The following CSMD1 variants were observed in gnomAD, a reference collection of about 807,000 sequenced individuals.
CSMD1 encodes CUB and sushi domain-containing protein 1.
Under a neutral mutation model 417.5 loss-of-function variants are expected in CSMD1, and 213 were observed. The ratio of observed to expected loss-of-function variants is 0.51; its 90% CI spans 0.46 to 0.57. The LOEUF is 0.57. Among genes scored for constraint, CSMD1 ranks in the 20% least tolerant of loss-of-function variants. CSMD1 has a pLI of 0.00. For missense variants in CSMD1, 6,923 were observed against 4,529.7 expected (o/e 1.53, Z -15.17); for synonymous variants, 2,862 against 1,736.8 (o/e 1.65, Z -16.11).
At position 3,284,361 on chromosome 8, in the gene CSMD1, A is replaced by C. The variant is rs780880862; in HGVS notation, c.3951-15T>G. 6.3e-7 allele frequency: 1 copy of C among 1,599,416 alleles called. No individual in the cohort carries two copies. The highest frequency in any genetic ancestry group is 1.7e-5 in the Admixed American group (1 of 59,956). On this transcript the variant is annotated splice_polypyrimidine_tract_variant and intron_variant, in intron 25 of 69. Transcript: ENST00000635120. ...TGAAATGGAGGCTGCAAGAGAGAAC[A>C]CAGTAGCGCTACTTGCCGTGCATCG...
At chr8:3,278,236 A>AT (rs1802456172) in intron 26 of CSMD1, 1 of 152,244 alleles carries the variant, frequency 6.6e-6, no homozygotes, top group Non-Finnish European at 1.5e-5. Context: ...CCAATGTAAC[A>AT]TGGAATTACA....
chr8:4,049,929 C>T (rs944066401), intron 3 of CSMD1, among the ~76,000 whole-genome samples: 1 of 152,050 alleles, frequency 6.6e-6, no homozygotes. Flanking sequence ...TCGGATACCA[C>T]ACTGCGTTTA....
In CSMD1 at chr8:4,393,256, G is replaced by A. The variant is rs538555680; in HGVS notation, c.415+26697C>T. 1.6e-4 allele frequency among the ~76,000 whole-genome samples: 25 copies of A among 152,244 alleles called. No homozygotes were observed. The South Asian group carries it at 3.3e-3, about 20-fold the overall frequency. On this transcript the variant is annotated intron_variant, in intron 3 of 69. Coordinates refer to ENST00000635120, the MANE Select transcript of CSMD1 (RefSeq NM_033225.6). ...CTCCCAAAGTGCTGGGATTACAGGC[G>A]TGAGCCACCCCACCTGGCCTACAAA...
chr8:4,822,110 T>A (rs574363690), intron 1 of CSMD1, among the ~76,000 whole-genome samples: 65 of 152,158 alleles, frequency 4.3e-4, no homozygotes, highest in African/African-American at 1.6e-3. Context: ...AACATTCACA[T>A]GCTTCCTATC....
chr8:3,536,580 G>A (rs1022181317), intron 10 of CSMD1, among the ~76,000 whole-genome samples: 1 of 152,192 alleles, frequency 6.6e-6, no homozygotes, highest in Admixed American at 6.5e-5. Context: ...GTACTTGGTA[G>A]TCACTGTCTC....
chr8:3,300,537 T>C (rs141567063), intron 25 of CSMD1, among the ~76,000 whole-genome samples: 6 of 152,258 alleles, frequency 3.9e-5, no homozygotes, highest in Admixed American at 3.9e-4. Flanking sequence ...TACTAAGACA[T>C]ATGAGGATGC....
intron 2 of CSMD1, among the ~76,000 whole-genome samples, chr8:4,517,368 G>C (rs1231944692): frequency 6.6e-6 from 1 of 152,288 alleles, no homozygotes; most frequent in African/African-American, 2.4e-5. Flanking sequence ...TGCAGTCATA[G>C]GTTAAACAGC....
chr8:4,189,212 T>C (rs6987253), intron 3 of CSMD1, among the ~76,000 whole-genome samples: 127,954 of 152,274 alleles, frequency 0.84, 53,921 homozygotes, highest in South Asian at 0.9. Flanking sequence ...CTCATGTGTG[T>C]TTATGCCCCA....
chr8:3,029,461 C>T lies in CSMD1; in HGVS notation c.7713G>A (p.Arg2571=). 6.2e-7 allele frequency: 1 copy of T among 1,607,742 alleles called. No individual in the cohort carries two copies. The highest frequency in any genetic ancestry group is 1.1e-5 in the South Asian group (1 of 89,680). The part of the protein sequence containing the change: ...EAQLSEHVIW[R]LVSGSLNEYG... ...ACTCATTCAAGGATCCTGAAACCAG[C>T]CTCCAGATGACATGTTCTGAGAGCT... The change falls in exon 51 of 70, where the codon AGG becomes AGA. Residue 2571 remains arginine (R), a synonymous_variant. Transcript: ENST00000635120.
At chr8:4,753,171 C>T (rs6558910) in intron 1 of CSMD1, among the ~76,000 whole-genome samples, 65,229 of 151,564 alleles carry the variant, frequency 0.43, 14,878 homozygotes, top group East Asian at 0.62. Context: ...ATCATACATA[C>T]AGGAGGCAAT....
intron 2 of CSMD1, among the ~76,000 whole-genome samples, chr8:4,465,649 C>A (rs930484723): frequency 6.6e-6 from 1 of 152,194 alleles, no homozygotes. Flanking sequence ...ATTTCCAAAT[C>A]CCAAGTACTG....
At chr8:3,742,021 G>C (rs1255573637) in intron 6 of CSMD1, among the ~76,000 whole-genome samples, 4 of 150,766 alleles carry the variant, frequency 2.7e-5, no homozygotes, top group Middle Eastern at 3.4e-3. Flanking sequence ...TTCGAGGCTG[G>C]AATTCTCTCC....
At chr8:3,177,981 T>A (rs917335253) in intron 37 of CSMD1, among the ~76,000 whole-genome samples, 3 of 152,218 alleles carry the variant, frequency 2.0e-5, no homozygotes, top group Non-Finnish European at 4.4e-5. Context: ...TTAAGTTAAA[T>A]AACGTGAACG....
chr8:3,857,511 G>A (rs1804394523), intron 5 of CSMD1, among the ~76,000 whole-genome samples: 1 of 152,186 alleles, frequency 6.6e-6, no homozygotes, highest in Admixed American at 6.5e-5. Flanking sequence ...TCCAGAAATA[G>A]TAGATGATTT....
At chr8:4,206,519 C>T (rs1451311266) in intron 3 of CSMD1, among the ~76,000 whole-genome samples, 1 of 152,184 alleles carries the variant, frequency 6.6e-6, no homozygotes, top group Non-Finnish European at 1.5e-5. Context: ...ATGAACTCAT[C>T]CTTTTTTATG....
At chr8:4,204,346 C>T (rs997157924) in intron 3 of CSMD1, among the ~76,000 whole-genome samples, 1 of 151,794 alleles carries the variant, frequency 6.6e-6, no homozygotes, top group African/African-American at 2.4e-5. Context: ...CCTATTTCCA[C>T]TTCTAGGTGA....
intron 1 of CSMD1, among the ~76,000 whole-genome samples, chr8:4,720,545 A>G (rs537993003): frequency 6.6e-6 from 1 of 152,050 alleles, no homozygotes; most frequent in Non-Finnish European, 1.5e-5. Context: ...AGCCCCCTGA[A>G]TAGCTGAGAT....
At chr8:4,222,154 C>A (rs542846180) in intron 3 of CSMD1, among the ~76,000 whole-genome samples, 1 of 152,032 alleles carries the variant, frequency 6.6e-6, no homozygotes, top group African/African-American at 2.4e-5. Flanking sequence ...CAGAGCCTTA[C>A]CACCATCTCA....
chr8:3,394,059 A>C (rs867042005), intron 17 of CSMD1, among the ~76,000 whole-genome samples: 1 of 115,988 alleles, frequency 8.6e-6, no homozygotes, highest in Non-Finnish European at 1.9e-5. Flanking sequence ...TATATATAGA[A>C]AAAAAGAAAA....
Sources: allele counts gnomAD v4.1 joint callset (sites outside exome capture counted in the v4.1 genomes callset), GRCh38; gene constraint gnomAD v4.1.1; transcripts MANE v1.5; gene names NCBI Gene and HGNC (gene_info 2026-07-23, HGNC 2026-07-21).